FRMPD2: variants seen among roughly 807,000 people sequenced by gnomAD.
FRMPD2 encodes FERM and PDZ domain containing 2.
In FRMPD2, 96 loss-of-function variants were observed where a neutral mutation model predicts 140.1. That is an observed-to-expected ratio of 0.69 (90% CI 0.58 to 0.81). FRMPD2 has a LOEUF of 0.81. Among genes scored for constraint, FRMPD2 ranks in the 40% least tolerant of loss-of-function variants. FRMPD2 has a pLI of 0.00. For synonymous variants in FRMPD2, 449 were observed against 547.6 expected (o/e 0.82, Z 2.52); for missense variants, 1,240 against 1,447.4 (o/e 0.86, Z 2.32).
intron 13 of FRMPD2, among the ~76,000 whole-genome samples, chr10:48,208,491 T>G (rs1000717620): frequency 5.9e-5 from 9 of 152,192 alleles, no homozygotes; most frequent in African/African-American, 2.2e-4. Context: ...ATCCTTTTTC[T>G]AAGTAATCTG....
At chr10:48,254,308 T>C (rs1278183303) in intron 1 of FRMPD2, among the ~76,000 whole-genome samples, 1 of 152,232 alleles carries the variant, frequency 6.6e-6, no homozygotes, top group Non-Finnish European at 1.5e-5. Flanking sequence ...ATGAATAATC[T>C]GCAAGCTAGC....
intron 28 of FRMPD2, among the ~76,000 whole-genome samples, chr10:48,161,258 T>TCTCTAAA (rs1564411069): frequency 2.0e-5 from 3 of 150,074 alleles, no homozygotes; most frequent in African/African-American, 7.4e-5. Flanking sequence ...GGGACTCTCG[T>TCTCTAAA]GTGGCTCTAA....
rs1410393583 is a variant in FRMPD2, at chr10:48,207,033, T to C, written c.1612-100A>G. The C allele has an allele frequency of 3.0e-6, 3 of 1,015,900 alleles. No homozygotes were observed. The African/African-American group carries it at 4.9e-5, about 16-fold the overall frequency. The allele number at this position is 1,015,900 out of a possible 1,614,324, so 62.9% of individuals were successfully genotyped here. A position where few individuals can be genotyped will look rare whatever the true frequency, so the allele number is the denominator to read the frequency against. ...ATGCAAAACACACTGATAGGCGTTC[T>C]GAAAAGAAAGAGTAGAATTGTCATG... On this transcript the variant is annotated intron_variant, in intron 13 of 28. Transcript: ENST00000374201.
intron 20 of FRMPD2, among the ~76,000 whole-genome samples, chr10:48,183,851 C>CAA (rs57389978): frequency 2.6e-5 from 2 of 76,782 alleles, no homozygotes; most frequent in East Asian, 3.5e-4. Flanking sequence ...GACTCCATCT[C>CAA]AAAAAAAAAA....
chr10:48,209,290 GA>G (rs1839267279), intron 13 of FRMPD2, among the ~76,000 whole-genome samples: 1 of 152,182 alleles, frequency 6.6e-6, no homozygotes, highest in Admixed American at 6.5e-5. Flanking sequence ...AGCTATGTGG[GA>G]AAATGGCTCC....
chr10:48,261,924 C>A (rs1039786991), intron 1 of FRMPD2, among the ~76,000 whole-genome samples: 2 of 152,018 alleles, frequency 1.3e-5, no homozygotes, highest in Non-Finnish European at 2.9e-5. Flanking sequence ...ATGTATACTG[C>A]AAACTCTAGA....
chr10:48,196,240 T>C (rs1305288840), intron 15 of FRMPD2, among the ~76,000 whole-genome samples: 1 of 152,056 alleles, frequency 6.6e-6, no homozygotes, highest in Non-Finnish European at 1.5e-5. Flanking sequence ...GACTGGGGAC[T>C]GAGTGGGAAG....
At chr10:48,212,813 A>G (rs549181475) in intron 12 of FRMPD2, among the ~76,000 whole-genome samples, 1 of 152,256 alleles carries the variant, frequency 6.6e-6, no homozygotes, top group African/African-American at 2.4e-5. Flanking sequence ...TCACTGCTTG[A>G]TGGTGAGTTC....
At chr10:48,238,482 C>G (rs1396559710) in intron 7 of FRMPD2, among the ~76,000 whole-genome samples, 1 of 152,076 alleles carries the variant, frequency 6.6e-6, no homozygotes, top group East Asian at 1.9e-4. Context: ...ATATGTTGTT[C>G]AAAATATTTT....
chr10:48,265,890 G>A (rs561819218), intron 1 of FRMPD2, among the ~76,000 whole-genome samples: 25 of 152,052 alleles, frequency 1.6e-4, no homozygotes, highest in East Asian at 1.5e-3. Context: ...AATATAAATC[G>A]TCGTATCATA....
chr10:48,238,141 AG>A lies in FRMPD2; in HGVS notation c.789-19del, dbSNP rs1158108703. Reference sequence around the variant, plus strand: ...GAAGAGCGCTGGCCAGGGGTTGAGAAGGGGTGAAGCACTTAGCAATGGCAAG... The same window carrying A: ...GAAGAGCGCTGGCCAGGGGTTGAGAAGGGTGAAGCACTTAGCAATGGCAAG... On this transcript the variant is annotated intron_variant, in intron 7 of 28. Coordinates refer to ENST00000374201, the MANE Select transcript of FRMPD2 (RefSeq NM_001018071.4). 2 of 1,605,142 alleles carry A rather than the reference AG, an allele frequency of 1.2e-6. No individual in the cohort carries two copies. The highest frequency in any genetic ancestry group is 2.7e-5 in the African/African-American group (2 of 74,824).
intron 10 of FRMPD2, among the ~76,000 whole-genome samples, chr10:48,225,237 CAA>C (rs1839696177): frequency 6.6e-6 from 1 of 152,060 alleles, no homozygotes; most frequent in Admixed American, 6.5e-5. Flanking sequence ...TTATCAATAC[CAA>C]AATGAGGTCA....
At chr10:48,234,609 AAC>A (rs1257338143) in intron 9 of FRMPD2, among the ~76,000 whole-genome samples, 13 of 152,258 alleles carry the variant, frequency 8.5e-5, no homozygotes, top group African/African-American at 2.4e-4. Flanking sequence ...AAGCCAGACA[AAC>A]AGAGTGACAC....
chr10:48,215,306 C>T (rs989254214), intron 12 of FRMPD2, among the ~76,000 whole-genome samples: 1 of 152,198 alleles, frequency 6.6e-6, no homozygotes, highest in Non-Finnish European at 1.5e-5. Flanking sequence ...CAGACTTCTC[C>T]TCTTGCCCAT....
chr10:48,199,273 C>CAAA lies in FRMPD2; in HGVS notation c.1954+1952_1954+1954dup, dbSNP rs377604893. On this transcript the variant is annotated intron_variant, in intron 15 of 28. Transcript: ENST00000374201. ...ATTTTTCTGAAAAAATGAGTTCAGGCAAAAAAAAAAAAAAACCCTACTCTA... is the reference window on the plus strand; with the variant it reads ...ATTTTTCTGAAAAAATGAGTTCAGGCAAAAAAAAAAAAAAAAAACCCTACTCTA... 2.3e-3 allele frequency among the ~76,000 whole-genome samples: 281 copies of CAAA among 119,640 alleles called. 1 individual carries two copies. The highest frequency in any genetic ancestry group is 0.011 in the East Asian group (36 of 3,424). 78.5% of individuals were successfully genotyped at this position (119,640 alleles called of 152,430 possible). A position where few individuals can be genotyped will look rare whatever the true frequency, so the allele number is the denominator to read the frequency against.
At position 48,251,620 on chromosome 10, in the gene FRMPD2, T is replaced by C; in HGVS notation, c.97A>G (p.Ile33Val). 1.2e-6 allele frequency: 2 copies of C among 1,614,178 alleles called. No homozygotes were observed. Among genetic ancestry groups the C allele is most frequent in the Non-Finnish European group, 1.7e-6 (2 of 1,180,008 alleles). ...GCGGCCAGGAACAGGAGGGACCAGATTTCCTCCTCAGACAGAGCTTCACCC... is the reference window on the plus strand; with the variant it reads ...GCGGCCAGGAACAGGAGGGACCAGACTTCCTCCTCAGACAGAGCTTCACCC... ...VRGEALSEEEIWSLLFLAAEQ... is the reference protein window; with the variant it reads ...VRGEALSEEEVWSLLFLAAEQ... The change falls in exon 2 of 29, where the codon ATC (isoleucine) becomes GTC (valine). Residue 33 changes from isoleucine to valine, a missense_variant. Coordinates refer to ENST00000374201, the MANE Select transcript of FRMPD2 (RefSeq NM_001018071.4).
chr10:48,190,475 G>A (rs754957423), intron 16 of FRMPD2, among the ~76,000 whole-genome samples: 10 of 152,166 alleles, frequency 6.6e-5, no homozygotes, highest in Non-Finnish European at 1.2e-4. Flanking sequence ...CAGCTACCTG[G>A]TGACCCCTAC....
intron 1 of FRMPD2, among the ~76,000 whole-genome samples, chr10:48,265,678 C>CTT (rs1564444332): frequency 1.3e-5 from 2 of 152,106 alleles, no homozygotes; most frequent in Admixed American, 6.5e-5. Context: ...TACCATCTCA[C>CTT]ACTGGTCAGA....
Position 48,236,548 on chromosome 10 carries a change from G to A in FRMPD2, c.927C>T (p.Ser309=). 6 of 1,614,078 alleles carry A rather than the reference G, an allele frequency of 3.7e-6. No individual in the cohort carries two copies. The highest frequency in any genetic ancestry group is 5.1e-6 in the Non-Finnish European group (6 of 1,179,942). Reference sequence around the variant, plus strand: ...CAGCCAACAGGATGAACTCTGGCCTGGAAAACTGGAGGAAAACAGTCACAT... The same window carrying A: ...CAGCCAACAGGATGAACTCTGGCCTAGAAAACTGGAGGAAAACAGTCACAT... ...RGFLQRRSKF[S]RPEFILLAGE... Residue 309 remains serine, a synonymous_variant, in exon 9 of 29, where the codon TCC becomes TCT. Transcript: ENST00000374201.
Sources: gnomAD v4.1 joint callset for allele counts (sites outside exome capture counted in the v4.1 genomes callset) on GRCh38, gnomAD v4.1.1 for gene constraint, MANE v1.5 for transcripts, NCBI Gene and HGNC (gene_info 2026-07-23, HGNC 2026-07-21) for gene names.